Variants in GPC4 observed in about 807,000 individuals in gnomAD.
GPC4 encodes the protein glypican-4.
GPC4 carries 10 observed loss-of-function variants against 35.0 expected under a neutral mutation model. The observed-to-expected ratio is 0.29, with a 90% CI of 0.18 to 0.48. GPC4 has a LOEUF of 0.48. Ranked by LOEUF, GPC4 falls within the 20% of genes least tolerant of loss-of-function variation. The pLI is 0.99. For synonymous variants in GPC4, 167 were observed against 170.2 expected (o/e 0.98, Z 0.15); for missense variants, 322 against 451.3 (o/e 0.71, Z 2.60).
intron 4 of GPC4, among the ~76,000 whole-genome samples, chrX:133,306,426 A>G (rs1437492885): frequency 5.4e-5 from 6 of 111,466 alleles, no homozygotes; most frequent in African/African-American, 2.0e-4. Context: ...ACTTTCCTCA[A>G]TACTGATTAT....
At chrX:133,304,680 C>G (rs963827264) in intron 7 of GPC4, 45 bp downstream of exon 7, 15 of 1,199,070 alleles carry the variant, frequency 1.3e-5, no homozygotes, top group Non-Finnish European at 1.7e-5. Flanking sequence ...GTCACCCAGG[C>G]ATCTAGGAAG....
chrX:133,342,930 T>C (rs781274880), intron 1 of GPC4, among the ~76,000 whole-genome samples: 69 of 111,984 alleles, frequency 6.2e-4, no homozygotes, highest in Admixed American at 2.3e-3. Context: ...GCTTCTAAAA[T>C]GCTGTGCCTG....
chrX:133,358,233 C>A (rs1357325361), intron 1 of GPC4, among the ~76,000 whole-genome samples: 1 of 111,895 alleles, frequency 8.9e-6, no homozygotes, highest in African/African-American at 3.2e-5. Flanking sequence ...CCAAATAGGT[C>A]AAATATCAGC....
intron 1 of GPC4, among the ~76,000 whole-genome samples, chrX:133,352,224 C>T (rs1453724818): frequency 8.9e-6 from 1 of 111,930 alleles, no homozygotes; most frequent in African/African-American, 3.2e-5. Context: ...AACAGATGTG[C>T]CATAGGAGGT....
At chrX:133,335,442 C>T (rs932227513) in intron 2 of GPC4, among the ~76,000 whole-genome samples, 10 of 110,795 alleles carry the variant, frequency 9.0e-5, no homozygotes, top group Non-Finnish European at 1.5e-4. Context: ...CACCCAAATC[C>T]GAACACACAC....
chrX:133,390,818 G>A (rs1052672354), intron 1 of GPC4, among the ~76,000 whole-genome samples: 27 of 111,205 alleles, frequency 2.4e-4, no homozygotes, highest in African/African-American at 5.9e-4. Flanking sequence ...CATGAACACC[G>A]GGAACAAGAC....
At chrX:133,313,106 G>C (rs73239375) in intron 3 of GPC4, among the ~76,000 whole-genome samples, 1 of 111,991 alleles carries the variant, frequency 8.9e-6, no homozygotes, top group African/African-American at 3.2e-5. Flanking sequence ...CCACCACAGG[G>C]AAGAGATGCT....
chrX:133,381,241 G>C (rs759172546), intron 1 of GPC4, among the ~76,000 whole-genome samples: 1 of 112,159 alleles, frequency 8.9e-6, no homozygotes, highest in East Asian at 2.8e-4. Flanking sequence ...TGCAACAAAG[G>C]ATATTAGTTA....
intron 1 of GPC4, among the ~76,000 whole-genome samples, chrX:133,405,104 CTTTT>C (rs746824918): frequency 1.5e-5 from 1 of 67,162 alleles, no homozygotes; most frequent in Non-Finnish European, 2.6e-5. Context: ...CAATAGAACT[CTTTT>C]TTTTTTTTTT....
intron 1 of GPC4, among the ~76,000 whole-genome samples, chrX:133,362,597 ACTT>A (rs1215940297): frequency 1.8e-5 from 2 of 111,500 alleles, no homozygotes; most frequent in Admixed American, 1.9e-4. Context: ...AACATTTCCT[ACTT>A]CTTAGCAGAA....
chrX:133,414,823 G>T lies in GPC4; in HGVS notation c.143C>A (p.Pro48His). The change falls in exon 1 of 9, where the codon CCC (proline) becomes CAC (histidine). Residue 48 changes from proline to histidine, a missense_variant. By Grantham distance (77) the Pro-to-His change is moderately conservative (BLOSUM62 -2). Coordinates refer to ENST00000370828, the MANE Select transcript of GPC4 (RefSeq NM_001448.3). ...CCACCTACCGTTGATCTCGTGGAGG[G>T]GGGCATCGTTCTTGTTGAAGCCTTT... Reference protein sequence around the residue: ...VSKGFNKNDAPLHEINGDHLK... With the variant: ...VSKGFNKNDAHLHEINGDHLK... The T allele has an allele frequency of 8.3e-7, 1 of 1,211,716 alleles. No homozygotes were observed. Among genetic ancestry groups the T allele is most frequent in the Non-Finnish European group, 1.1e-6 (1 of 895,278 alleles).
At chrX:133,305,683 C>T (rs1405467978) in intron 6 of GPC4, 89 bp downstream of exon 6, 13 of 1,106,786 alleles carry the variant, frequency 1.2e-5, no homozygotes, top group Admixed American at 2.3e-5. Context: ...AAGACCCACA[C>T]TTGTTAGCCT....
At chrX:133,308,574 C>T (rs998836697) in intron 4 of GPC4, among the ~76,000 whole-genome samples, 2 of 111,784 alleles carry the variant, frequency 1.8e-5, no homozygotes, top group Non-Finnish European at 3.8e-5. Context: ...AAAAGGCTGA[C>T]AAGACTTCAA....
At chrX:133,412,827 C>G (rs760276123) in intron 1 of GPC4, among the ~76,000 whole-genome samples, 1 of 112,003 alleles carries the variant, frequency 8.9e-6, no homozygotes, top group East Asian at 2.8e-4. Flanking sequence ...GGAAGATGCC[C>G]TGCCACAGCG....
chrX:133,350,541 A>G (rs111660065), intron 1 of GPC4, among the ~76,000 whole-genome samples: 2,196 of 111,092 alleles, frequency 0.02, 54 homozygotes, highest in African/African-American at 0.068. Flanking sequence ...CAAACAAAAC[A>G]AAACAAACAA....
chrX:133,311,518 A>G (rs1398128101), intron 3 of GPC4, 95 bp from the exon 4 acceptor site: 1 of 815,538 alleles, frequency 1.2e-6, no homozygotes, highest in Non-Finnish European at 1.8e-6. Context: ...TTGGCCATGA[A>G]CTTAAGAATG....
At chrX:133,378,089 T>C (rs1270688192) in intron 1 of GPC4, among the ~76,000 whole-genome samples, 1 of 108,771 alleles carries the variant, frequency 9.2e-6, no homozygotes, top group African/African-American at 3.4e-5. Context: ...TTTTGTCACA[T>C]TGCCCATGCT....
chrX:133,328,301 G>A (rs1440641535), intron 2 of GPC4, among the ~76,000 whole-genome samples: 1 of 111,006 alleles, frequency 9.0e-6, no homozygotes, highest in Non-Finnish European at 1.9e-5. Flanking sequence ...TTCTACCTAT[G>A]CCTTTTGCCT....
At position 133,324,405 on chromosome X, in the gene GPC4, C is replaced by T. The variant is rs757840938; in HGVS notation, c.451G>A (p.Val151Met). 32 of 1,209,663 alleles carry T rather than the reference C, an allele frequency of 2.6e-5. No homozygotes were observed. The highest frequency in any genetic ancestry group is 3.2e-5 in the Non-Finnish European group (29 of 895,210). ...DLFVELKRYYVVGNVNLEEML... is the reference protein window; with the variant it reads ...DLFVELKRYYMVGNVNLEEML... ...TCTTCCAGGTTCACATTTCCCACCA[C>T]GTAGTAACGTTTCAACTCTACGAAG... Residue 151 changes from valine (V) to methionine (M), a missense_variant, in exon 3 of 9, where the codon GTG becomes ATG. By Grantham distance (21) the Val-to-Met change is conservative. Transcript: ENST00000370828.
Sources: allele counts gnomAD v4.1 joint callset (sites outside exome capture counted in the v4.1 genomes callset), GRCh38; gene constraint gnomAD v4.1.1; transcripts MANE v1.5; gene names NCBI Gene and HGNC (gene_info 2026-07-23, HGNC 2026-07-21).